STMN2: variants seen among roughly 807,000 people sequenced by gnomAD.
The protein encoded by STMN2 is stathmin-2.
A neutral mutation model predicts 24.1 loss-of-function variants in STMN2; 2 were observed. The ratio of observed to expected loss-of-function variants is 0.08; its 90% confidence interval spans 0.03 to 0.26. The LOEUF is 0.26. STMN2 is among the 10% of genes least tolerant of loss of function. The pLI is 1.00. For missense variants in STMN2, 114 were observed against 213.6 expected, an observed-to-expected ratio of 0.53 and a Z score of 2.91; for synonymous variants, 83 against 77.5, an observed-to-expected ratio of 1.07 and a Z score of -0.37.
At chr8:79,662,873 C>G (rs1272433071) in intron 4 of STMN2, among the ~76,000 whole-genome samples, 2 of 151,958 alleles carry the variant, frequency 1.3e-5, no homozygotes, top group Admixed American at 1.3e-4. Context: ...CAATTTTTGC[C>G]AGAGCTCAGC....
chr8:79,642,613 G>A (rs1194041518), intron 3 of STMN2, among the ~76,000 whole-genome samples: 1 of 152,090 alleles, frequency 6.6e-6, no homozygotes, highest in African/African-American at 2.4e-5. Context: ...TCCTCCTAAA[G>A]ATTGAATTCT....
intron 1 of STMN2, among the ~76,000 whole-genome samples, chr8:79,617,705 G>A (rs1809415576): frequency 6.6e-6 from 1 of 152,212 alleles, no homozygotes; most frequent in Non-Finnish European, 1.5e-5. Flanking sequence ...CTAAACTTGA[G>A]GGCCTCGAGC....
In STMN2 at chr8:79,623,925, A is replaced by T. The variant is rs1011570371; in HGVS notation, c.19+12711A>T. 3.9e-5 allele frequency among the ~76,000 whole-genome samples: 6 copies of T among 152,276 alleles called. No homozygotes were observed. In the East Asian group the frequency reaches 1.2e-3, roughly 29 times the overall value. ...TTTGTGTCTTCTGACTTGGTTGATG[A>T]TTTTTTAAAAAAACGTTTTGTGGTA... On this transcript the variant is annotated intron_variant, in intron 1 of 4. Transcript: ENST00000220876.
intron 1 of STMN2, chr8:79,611,652 A>G (rs772623686): frequency 4.1e-5 from 18 of 437,108 alleles, no homozygotes; most frequent in Non-Finnish European, 5.2e-5. Flanking sequence ...AAGGAAAAAG[A>G]AAATTGCAAA....
chr8:79,616,145 A>C (rs1213579711), intron 1 of STMN2, among the ~76,000 whole-genome samples: 2 of 152,198 alleles, frequency 1.3e-5, no homozygotes, highest in Non-Finnish European at 2.9e-5. Flanking sequence ...AGGTGTACCA[A>C]AAACTGACTG....
intron 3 of STMN2, among the ~76,000 whole-genome samples, chr8:79,652,928 A>G (rs1810365946): frequency 6.6e-6 from 1 of 152,176 alleles, no homozygotes; most frequent in Non-Finnish European, 1.5e-5. Context: ...ACCTAGAGGC[A>G]GGAGAGTGAA....
intron 3 of STMN2, among the ~76,000 whole-genome samples, chr8:79,647,914 C>T (rs1810250863): frequency 6.6e-6 from 1 of 152,078 alleles, no homozygotes; most frequent in East Asian, 1.9e-4. Context: ...TTCATTCAAC[C>T]AACATGTATT....
At chr8:79,624,907 A>G (rs1275672579) in intron 1 of STMN2, among the ~76,000 whole-genome samples, 1 of 152,208 alleles carries the variant, frequency 6.6e-6, no homozygotes, top group Non-Finnish European at 1.5e-5. Context: ...AATATTTGTT[A>G]TCATATCCCT....
At chr8:79,614,335 G>A (rs1193271245) in intron 1 of STMN2, among the ~76,000 whole-genome samples, 1 of 152,196 alleles carries the variant, frequency 6.6e-6, no homozygotes, top group Non-Finnish European at 1.5e-5. Context: ...TGTAAGAGGT[G>A]CATATAATAT....
intron 3 of STMN2, among the ~76,000 whole-genome samples, chr8:79,647,948 AT>A (rs1563444695): frequency 6.6e-6 from 1 of 152,236 alleles, no homozygotes. Context: ...CAGAGTTAGC[AT>A]AACTATACAT....
chr8:79,641,271 T>C, intron 2 of STMN2, 107 bp from the exon 3 acceptor site: 1 of 1,200,518 alleles, frequency 8.3e-7, no homozygotes, highest in Non-Finnish European at 1.1e-6. Context: ...TTTATTCCTA[T>C]CTCCCGGAAT....
chr8:79,661,114 T>A (rs1039056060), intron 4 of STMN2, among the ~76,000 whole-genome samples: 4 of 152,190 alleles, frequency 2.6e-5, no homozygotes, highest in African/African-American at 9.6e-5. Flanking sequence ...TAAGCATGCA[T>A]GAGCCTGTGT....
At chr8:79,625,169 G>A (rs915879519) in intron 1 of STMN2, among the ~76,000 whole-genome samples, 13 of 151,756 alleles carry the variant, frequency 8.6e-5, no homozygotes, top group Non-Finnish European at 5.9e-5. Context: ...TTTATTTTTT[G>A]CACTATAGAC....
At chr8:79,635,864 A>G (rs1299511986) in intron 1 of STMN2, among the ~76,000 whole-genome samples, 1 of 152,138 alleles carries the variant, frequency 6.6e-6, no homozygotes, top group Non-Finnish European at 1.5e-5. Flanking sequence ...TTCCCATGTA[A>G]AAAGACTGCA....
At chr8:79,640,101 G>T (rs1307434383) in intron 2 of STMN2, among the ~76,000 whole-genome samples, 2 of 152,232 alleles carry the variant, frequency 1.3e-5, no homozygotes, top group Non-Finnish European at 2.9e-5. Context: ...TCAGGAGGCT[G>T]AGGCAGGAGA....
At chr8:79,622,362 T>G (rs529026640) in intron 1 of STMN2, among the ~76,000 whole-genome samples, 40 of 152,180 alleles carry the variant, frequency 2.6e-4, no homozygotes, top group Admixed American at 4.6e-4. Context: ...TAATAAAAAT[T>G]TAAAGTGAAC....
intron 1 of STMN2, among the ~76,000 whole-genome samples, chr8:79,613,044 G>T (rs1209850025): frequency 6.6e-6 from 1 of 151,492 alleles, no homozygotes; most frequent in African/African-American, 2.4e-5. Context: ...GCCCCACCCA[G>T]CCCGGGCGCG....
chr8:79,632,180 G>A (rs1384284126), intron 1 of STMN2, among the ~76,000 whole-genome samples: 1 of 152,078 alleles, frequency 6.6e-6, no homozygotes, highest in Non-Finnish European at 1.5e-5. Flanking sequence ...AATGACAGGG[G>A]TTTTTTTCTT....
At chr8:79,622,730 CTT>C (rs1809545937) in intron 1 of STMN2, among the ~76,000 whole-genome samples, 1 of 152,110 alleles carries the variant, frequency 6.6e-6, no homozygotes, top group Non-Finnish European at 1.5e-5. Flanking sequence ...AGCCTTCTTG[CTT>C]ACCCAGGAAG....
Sources: gnomAD v4.1 joint callset for allele counts (sites outside exome capture counted in the v4.1 genomes callset) on GRCh38, gnomAD v4.1.1 for gene constraint, MANE v1.5 for transcripts, NCBI Gene and HGNC (gene_info 2026-07-23, HGNC 2026-07-21) for gene names.